SPTAN1: variants seen among roughly 807,000 people sequenced by gnomAD.
SPTAN1 encodes spectrin alpha, non-erythrocytic 1.
Under a neutral mutation model 331.3 loss-of-function variants are expected in SPTAN1, and 61 were observed. That is an observed-to-expected ratio of 0.18 (90% CI 0.15 to 0.23). The LOEUF is 0.23. Among genes scored for constraint, SPTAN1 ranks in the 10% least tolerant of loss-of-function variants. The pLI is 1.00. For missense variants in SPTAN1, 2,043 were observed against 3,147.9 expected (o/e 0.65, Z 8.40); for synonymous variants, 1,153 against 1,173.9 (o/e 0.98, Z 0.36).
intron 1 of SPTAN1, among the ~76,000 whole-genome samples, chr9:128,562,401 G>A (rs941848740): frequency 1.3e-5 from 2 of 152,000 alleles, no homozygotes; most frequent in South Asian, 2.1e-4. Flanking sequence ...GCGCCCAGCC[G>A]AGATCTGTAT....
At position 128,606,967 on chromosome 9, in the gene SPTAN1, C is replaced by G. The variant is rs1289836111; in HGVS notation, c.4047-637C>G. ...ACTAATCACCCCCTCTTCTCTCTTC[C>G]CCACCCACTAGGAATCCTTTATCTG... is the stretch of plus-strand genomic sequence containing the variant. On this transcript the variant is annotated intron_variant, in intron 31 of 56. Transcript: ENST00000372739. 3.9e-5 allele frequency among the ~76,000 whole-genome samples: 6 copies of G among 152,058 alleles called. No individual in the cohort carries two copies. The East Asian group carries it at 9.6e-4, about 24-fold the overall frequency.
intron 25 of SPTAN1, 118 bp downstream of exon 25, chr9:128,598,622 T>C (rs1444691907): frequency 8.9e-6 from 8 of 900,416 alleles, no homozygotes; most frequent in Non-Finnish European, 1.3e-5. Context: ...GGCTTGGCTG[T>C]AGGTCAGGTC....
intron 18 of SPTAN1, 101 bp from the exon 19 acceptor site, chr9:128,585,647 A>T: frequency 1.0e-6 from 1 of 970,288 alleles, no homozygotes; most frequent in Non-Finnish European, 1.6e-6. Context: ...ACCAAAACAT[A>T]GTAATGAAAG....
At chr9:128,614,610 A>AC (rs974658775) in intron 40 of SPTAN1, among the ~76,000 whole-genome samples, 8 of 151,546 alleles carry the variant, frequency 5.3e-5, no homozygotes, top group African/African-American at 1.9e-4. Context: ...CAAAAAAAAA[A>AC]CACAAAAATT....
chr9:128,628,923 C>T (rs35782171), intron 51 of SPTAN1: 11,738 of 386,928 alleles, frequency 0.03, 232 homozygotes, highest in Middle Eastern at 0.043. Flanking sequence ...CTTATGGCTC[C>T]TCCCAAGCCC....
At chr9:128,606,039 T>C (rs1855800979) in intron 31 of SPTAN1, among the ~76,000 whole-genome samples, 1 of 150,694 alleles carries the variant, frequency 6.6e-6, no homozygotes, top group African/African-American at 2.4e-5. Flanking sequence ...ACATAATCAA[T>C]GTAAAATAGT....
chr9:128,587,582 C>T (rs1275078926), intron 19 of SPTAN1, 24 bp from the exon 20 acceptor site: 1 of 1,608,254 alleles, frequency 6.2e-7, no homozygotes, highest in African/African-American at 1.3e-5. Context: ...CTGCACAGTG[C>T]TCCATGTGTG....
At chr9:128,562,970 AAATATATATATACATGTATGTGTAT>A (rs1461126409) in intron 1 of SPTAN1, among the ~76,000 whole-genome samples, 2 of 75,440 alleles carry the variant, frequency 2.7e-5, no homozygotes, top group Admixed American at 1.6e-4. Context: ...GTCTAAAAAA[AAATATATATATACATGTATGTGTAT>A]ATATATATAT....
In SPTAN1 at chr9:128,627,536, C is replaced by T; in HGVS notation, c.6689+38C>T. On this transcript the variant is annotated intron_variant, in intron 50 of 56. Transcript: ENST00000372739. This position sits in a 1 kb window ranked among gnomAD's most constrained non-coding sequence, Gnocchi z 4.9. ...TGGGGCCGGGGAGCAGCAGCATGTC[C>T]CTGCTGTACTTAAGCCCTGGGGAGC... The T allele has an allele frequency of 6.6e-7, 1 of 1,516,718 alleles. No homozygotes were observed. Among genetic ancestry groups the T allele is most frequent in the Non-Finnish European group, 9.0e-7 (1 of 1,115,940 alleles). The allele number at this position is 1,516,718 out of a possible 1,614,324, so 94.0% of individuals were successfully genotyped here.
Position 128,577,831 on chromosome 9 carries a change from C to A in SPTAN1, c.1086-279C>A, listed in dbSNP as rs1020758934. ...GGATTAGAAAGGAAAAGAATCCTTGCTAGCCAAGGGTTGAACCTGGGAATA... is the reference window on the plus strand; with the variant it reads ...GGATTAGAAAGGAAAAGAATCCTTGATAGCCAAGGGTTGAACCTGGGAATA... On this transcript the variant is annotated intron_variant, in intron 8 of 56. Transcript: ENST00000372739. This position sits in a 1 kb window ranked among gnomAD's most constrained non-coding sequence, Gnocchi z 4.2. 6.6e-6 allele frequency among the ~76,000 whole-genome samples: 1 copy of A among 152,086 alleles called. No homozygotes were observed. Among genetic ancestry groups the A allele is most frequent in the Non-Finnish European group, 1.5e-5 (1 of 68,018 alleles).
chr9:128,625,944 A>C lies in SPTAN1; in HGVS notation c.6245A>C (p.Lys2082Thr). ...QLLANSAARK[K>T]KLLEAQSHFR... ...CTGGCCAACTCAGCCGCCCGCAAGA[A>C]GAAGCTTCTGGAGGCTCAGAGTCAC... Residue 2082 changes from lysine (K) to threonine (T), a missense_variant, in exon 48 of 57, where the codon AAG (lysine) becomes ACG (threonine). Physicochemically the swap from Lys to Thr is moderately conservative, Grantham distance 78 (BLOSUM62 -1). Around this residue, in one of 12 missense-constraint regions of SPTAN1, gnomAD observed 256 missense variants for 376.4 expected, o/e 0.68. Transcript: ENST00000372739. This position sits in a 1 kb window ranked among gnomAD's most constrained non-coding sequence, Gnocchi z 4.1. 1 of 1,614,184 alleles carries C rather than the reference A, an allele frequency of 6.2e-7. No homozygotes were observed. Among genetic ancestry groups the C allele is most frequent in the Non-Finnish European group, 8.5e-7 (1 of 1,180,028 alleles).
At chr9:128,631,194 A>C (rs1859663726) in intron 52 of SPTAN1, among the ~76,000 whole-genome samples, 1 of 151,378 alleles carries the variant, frequency 6.6e-6, no homozygotes, top group Non-Finnish European at 1.5e-5. Flanking sequence ...GTGGTGACTT[A>C]CACCTGTAAT....
Position 128,594,160 on chromosome 9 carries a change from C to CT in SPTAN1, c.3216-13dup. ...CCTTCCTTGTCCCTCTTGTCACCCT[C>CT]TTGAATTCCATCAGATATCATTCTC... On this transcript the variant is annotated splice_polypyrimidine_tract_variant and intron_variant, in intron 23 of 56. Transcript: ENST00000372739. 1 of 1,614,062 alleles carries CT rather than the reference C, an allele frequency of 6.2e-7. No homozygotes were observed. Among genetic ancestry groups the CT allele is most frequent in the Non-Finnish European group, 8.5e-7 (1 of 1,179,944 alleles).
Position 128,605,364 on chromosome 9 carries a change from G to A in SPTAN1, c.3933G>A (p.Gln1311=). 1 of 1,614,220 alleles carries A rather than the reference G, an allele frequency of 6.2e-7. No homozygotes were observed. The highest frequency in any genetic ancestry group is 8.5e-7 in the Non-Finnish European group (1 of 1,180,046). Reference sequence around the variant, plus strand: ...ATCCCGAGTCAGCAGAAGACCTGCAGGAAAAGTGCACAGAGTTAAACCAGG... The same window carrying A: ...ATCCCGAGTCAGCAGAAGACCTGCAAGAAAAGTGCACAGAGTTAAACCAGG... ...QSHPESAEDL[Q]EKCTELNQAW... The change falls in exon 31 of 57, where the codon CAG becomes CAA. Residue 1311 remains glutamine, a synonymous_variant. Coordinates refer to ENST00000372739, the MANE Select transcript of SPTAN1 (RefSeq NM_001130438.3).
chr9:128,570,447 C>T (rs1238589202), intron 3 of SPTAN1, among the ~76,000 whole-genome samples: 1 of 150,144 alleles, frequency 6.7e-6, no homozygotes, highest in East Asian at 2.0e-4. Context: ...AAGCAATTCT[C>T]CTGCCTCAGC....
rs780519517 is a variant in SPTAN1, at chr9:128,633,193, A to T, written c.7309-16A>T. 1 of 1,613,780 alleles carries T rather than the reference A, an allele frequency of 6.2e-7. No homozygotes were observed. Among genetic ancestry groups the T allele is most frequent in the East Asian group, 2.2e-5 (1 of 44,868 alleles). Reference sequence around the variant, plus strand: ...GCAGCTGGCTCAGGCACCAGGTGCCATCTCTTACCCCACAGAACCTGACCC... The same window carrying T: ...GCAGCTGGCTCAGGCACCAGGTGCCTTCTCTTACCCCACAGAACCTGACCC... On this transcript the variant is annotated splice_polypyrimidine_tract_variant and intron_variant, in intron 56 of 56. Coordinates refer to ENST00000372739, the MANE Select transcript of SPTAN1 (RefSeq NM_001130438.3).
chr9:128,553,654 G>A (rs1848361625), intron 1 of SPTAN1, among the ~76,000 whole-genome samples: 1 of 152,206 alleles, frequency 6.6e-6, no homozygotes, highest in Non-Finnish European at 1.5e-5. Context: ...TAAATGAAAA[G>A]CCTAAATAGC....
At chr9:128,618,179 TG>T in intron 43 of SPTAN1, 71 bp downstream of exon 43, 1 of 1,603,646 alleles carries the variant, frequency 6.2e-7, no homozygotes, top group Non-Finnish European at 8.5e-7. Context: ...CTCTGAGCTG[TG>T]GGGGTCCAGT....
intron 1 of SPTAN1, among the ~76,000 whole-genome samples, chr9:128,561,380 A>AG (rs1349626291): frequency 7.6e-6 from 1 of 131,522 alleles, no homozygotes; most frequent in Non-Finnish European, 1.6e-5. Context: ...CAAAAAAAAA[A>AG]AGGCCAGGCG....
Sources: gnomAD v4.1 joint callset for allele counts (sites outside exome capture counted in the v4.1 genomes callset) on GRCh38, gnomAD v4.1.1 for gene constraint, gnomAD v4.1.1 regional missense constraint, Gnocchi (gnomAD v3.1) non-coding constraint, MANE v1.5 for transcripts, NCBI Gene and HGNC (gene_info 2026-07-23, HGNC 2026-07-21) for gene names.